PTPRK: variants seen among roughly 807,000 people sequenced by gnomAD.
PTPRK encodes the protein receptor-type tyrosine-protein phosphatase kappa.
Under a neutral mutation model 178.0 loss-of-function variants are expected in PTPRK, and 75 were observed. That is an observed-to-expected ratio of 0.42 (90% CI 0.35 to 0.51). The LOEUF (loss-of-function observed/expected upper bound fraction) is 0.51, where lower values mean the gene tolerates loss of function less well. PTPRK is among the 20% of genes least tolerant of loss of function. The pLI is 0.02. For synonymous variants in PTPRK, 637 were observed against 620.6 expected (o/e 1.03, Z -0.39); for missense variants, 1,441 against 1,797.8 (o/e 0.80, Z 3.59).
chr6:128,393,142 A>G (rs1339668942), intron 2 of PTPRK, among the ~76,000 whole-genome samples: 1 of 147,028 alleles, frequency 6.8e-6, no homozygotes, highest in Non-Finnish European at 1.5e-5. Context: ...CCCAGGCTGC[A>G]GTGCAGTGGC....
chr6:128,001,057 C>T, intron 15 of PTPRK: 2 of 571,196 alleles, frequency 3.5e-6, no homozygotes, highest in Admixed American at 3.3e-5. Flanking sequence ...TACATTTCCA[C>T]CTCATTAAAC....
chr6:128,178,656 CATCTATCTATCTATCT>C (rs71028114), intron 7 of PTPRK, among the ~76,000 whole-genome samples: 2 of 146,106 alleles, frequency 1.4e-5, no homozygotes, highest in South Asian at 2.2e-4. Flanking sequence ...GTAGAGAAGA[CATCTATCTATCTATCT>C]ATCTATCTAT....
intron 13 of PTPRK, among the ~76,000 whole-genome samples, chr6:128,060,595 T>C (rs1037895775): frequency 1.3e-5 from 2 of 152,156 alleles, no homozygotes; most frequent in Non-Finnish European, 2.9e-5. Flanking sequence ...AATATGGTCA[T>C]AAGAATAGCA....
At chr6:128,049,909 G>C (rs1778709854) in intron 13 of PTPRK, among the ~76,000 whole-genome samples, 1 of 152,172 alleles carries the variant, frequency 6.6e-6, no homozygotes, top group Non-Finnish European at 1.5e-5. Flanking sequence ...GGCCAAAGCG[G>C]GTGGAGCACC....
intron 3 of PTPRK, among the ~76,000 whole-genome samples, chr6:128,244,633 G>A (rs9372887): frequency 0.032 from 4,890 of 152,218 alleles, 308 homozygotes; most frequent in East Asian, 0.3. Flanking sequence ...AGGTGAGAGC[G>A]TCTCTGATGT....
intron 6 of PTPRK, among the ~76,000 whole-genome samples, chr6:128,204,007 C>G (rs145733109): frequency 1.3e-5 from 2 of 152,258 alleles, no homozygotes; most frequent in African/African-American, 4.8e-5. Flanking sequence ...AGGCATCATA[C>G]TACCCAACTT....
At chr6:128,188,517 G>C (rs766531463) in intron 6 of PTPRK, among the ~76,000 whole-genome samples, 1 of 151,852 alleles carries the variant, frequency 6.6e-6, no homozygotes, top group Non-Finnish European at 1.5e-5. Flanking sequence ...CCTTCCTAAG[G>C]GTTTTATTTG....
At chr6:128,121,207 T>C (rs931074609) in intron 7 of PTPRK, among the ~76,000 whole-genome samples, 1 of 151,954 alleles carries the variant, frequency 6.6e-6, no homozygotes, top group Non-Finnish European at 1.5e-5. Context: ...TAGTGCTGAG[T>C]ACAGCTTAAA....
chr6:128,338,144 A>G (rs1831190151), intron 2 of PTPRK, among the ~76,000 whole-genome samples: 2 of 152,320 alleles, frequency 1.3e-5, no homozygotes, highest in South Asian at 4.1e-4. Context: ...TCTGGCAAAT[A>G]ACTCTGGCCA....
At position 127,973,114 on chromosome 6, in the gene PTPRK, C is replaced by T. The variant is rs779184617; in HGVS notation, c.4177G>A (p.Val1393Ile). ...RSGMFCAIGI[V>I]VEMVKRQNVV... ...TTTTGCCGTTTCACCATTTCAACAA[C>T]GATGCCTATAGCACAGAACATGCCA... The change falls in exon 29 of 30, where the codon GTT becomes ATT. Residue 1393 changes from valine (V) to isoleucine (I), a missense_variant. By Grantham distance (29) the Val-to-Ile change is conservative (BLOSUM62 3). Around this residue, in one of 4 missense-constraint regions of PTPRK, gnomAD observed 335 missense variants for 512.4 expected, o/e 0.65. Coordinates refer to ENST00000368226, the MANE Select transcript of PTPRK (RefSeq NM_002844.4). 1.1e-5 allele frequency: 17 copies of T among 1,613,922 alleles called. No individual in the cohort carries two copies. Among genetic ancestry groups the T allele is most frequent in the African/African-American group, 1.3e-5 (1 of 74,914 alleles).
chr6:128,484,759 T>C (rs944690634), intron 1 of PTPRK, among the ~76,000 whole-genome samples: 2 of 152,218 alleles, frequency 1.3e-5, no homozygotes, highest in African/African-American at 4.8e-5. Context: ...ATTGCACCAA[T>C]TTATATTTTT....
chr6:128,070,051 T>C (rs2114953145), intron 11 of PTPRK, among the ~76,000 whole-genome samples: 1 of 152,256 alleles, frequency 6.6e-6, no homozygotes. Flanking sequence ...AACATGCTTG[T>C]TTCATAAAGA....
intron 5 of PTPRK, among the ~76,000 whole-genome samples, chr6:128,232,805 G>C (rs1812526612): frequency 6.6e-6 from 1 of 152,202 alleles, no homozygotes; most frequent in Non-Finnish European, 1.5e-5. Flanking sequence ...TTTCAGAAGT[G>C]TGTCAGCCAT....
At chr6:128,360,457 C>T (rs1443080108) in intron 2 of PTPRK, among the ~76,000 whole-genome samples, 3 of 152,130 alleles carry the variant, frequency 2.0e-5, no homozygotes. Context: ...AAAAAGTAGT[C>T]ACAAAACATT....
rs192920041 is a variant in PTPRK, at chr6:128,087,596, G to A, written c.1465+2094C>T. ...GGGTAAGATATAAGGATATTTGTGT[G>A]TTTATTAATTAGGAAAGGGGGTGTT... On this transcript the variant is annotated intron_variant, in intron 8 of 29. Coordinates refer to ENST00000368226, the MANE Select transcript of PTPRK (RefSeq NM_002844.4). Among the ~76,000 whole-genome samples the A allele has an allele frequency of 3.9e-3, 592 of 152,114 alleles. 4 individuals carry two copies. Among genetic ancestry groups the A allele is most frequent in the African/African-American group, 0.013 (546 of 41,492 alleles).
chr6:128,373,502 G>T (rs1241786122), intron 2 of PTPRK, among the ~76,000 whole-genome samples: 1 of 152,134 alleles, frequency 6.6e-6, no homozygotes, highest in Non-Finnish European at 1.5e-5. Flanking sequence ...CTGGGGGTGT[G>T]GCATTAATCC....
intron 3 of PTPRK, among the ~76,000 whole-genome samples, chr6:128,317,435 A>C (rs72969078): frequency 0.09 from 13,599 of 151,122 alleles, 728 homozygotes; most frequent in African/African-American, 0.15. Context: ...CTCTCTCCAA[A>C]TAGATTGAAA....
At chr6:128,219,789 A>G (rs1810063350) in intron 5 of PTPRK, among the ~76,000 whole-genome samples, 1 of 152,176 alleles carries the variant, frequency 6.6e-6, no homozygotes, top group South Asian at 2.1e-4. Context: ...GTGCTGTAGT[A>G]TGTTTTTCCC....
chr6:127,975,343 A>G (rs1774404981), intron 27 of PTPRK, among the ~76,000 whole-genome samples: 1 of 152,196 alleles, frequency 6.6e-6, no homozygotes, highest in South Asian at 2.1e-4. Context: ...ATTTAAATTA[A>G]CATCTAAGAT....
Sources: gnomAD v4.1 joint callset for allele counts (sites outside exome capture counted in the v4.1 genomes callset) on GRCh38, gnomAD v4.1.1 for gene constraint, gnomAD v4.1.1 regional missense constraint, MANE v1.5 for transcripts, NCBI Gene and HGNC (gene_info 2026-07-23, HGNC 2026-07-21) for gene names.